The following DNAH3 variants were observed in gnomAD, a reference collection of about 807,000 sequenced individuals.
DNAH3 encodes axonemal beta dynein heavy chain 3.
A neutral mutation model predicts 432.5 loss-of-function variants in DNAH3; 332 were observed. The observed-to-expected ratio is 0.77, with a 90% CI of 0.70 to 0.84. The LOEUF (loss-of-function observed/expected upper bound fraction) is 0.84, where lower values mean the gene tolerates loss of function less well. Among genes scored for constraint, DNAH3 ranks in the 40% least tolerant of loss-of-function variants. The pLI, the probability that DNAH3 is intolerant of heterozygous loss-of-function variation, is 0.00. For synonymous variants in DNAH3, 1,956 were observed against 1,900.2 expected (o/e 1.03, Z -0.76); for missense variants, 4,861 against 5,114.0 (o/e 0.95, Z 1.51).
At chr16:21,139,881 G>A (rs1204386799) in intron 5 of DNAH3, among the ~76,000 whole-genome samples, 2 of 147,026 alleles carry the variant, frequency 1.4e-5, no homozygotes, top group Non-Finnish European at 3.0e-5. Flanking sequence ...CCAGGTTCAA[G>A]TGATTCTCCT....
intron 28 of DNAH3, among the ~76,000 whole-genome samples, chr16:21,053,110 C>T (rs2090014359): frequency 6.6e-6 from 1 of 152,158 alleles, no homozygotes; most frequent in Non-Finnish European, 1.5e-5. Context: ...GTACAGCCGA[C>T]TCAAAATTAG....
intron 7 of DNAH3, among the ~76,000 whole-genome samples, chr16:21,133,011 TGA>T: frequency 6.6e-6 from 1 of 151,888 alleles, no homozygotes; most frequent in South Asian, 2.1e-4. Context: ...TAAATATACC[TGA>T]GAGATCACTG....
chr16:21,134,927 A>G (rs2152823878), intron 6 of DNAH3, among the ~76,000 whole-genome samples: 1 of 152,188 alleles, frequency 6.6e-6, no homozygotes. Flanking sequence ...ACCTCAGGTG[A>G]TCCACCCGCC....
chr16:21,052,246 CCTCCCAAAGTG>C (rs1160423229), intron 28 of DNAH3, among the ~76,000 whole-genome samples: 1 of 152,178 alleles, frequency 6.6e-6, no homozygotes, highest in Non-Finnish European at 1.5e-5. Context: ...CCTGCCTCGG[CCTCCCAAAGTG>C]CTGAGATTAC....
chr16:21,034,062 T>C (rs1027905941), exon 36 of DNAH3: 9 of 1,613,104 alleles, frequency 5.6e-6, no homozygotes, highest in African/African-American at 1.3e-5. Flanking sequence ...TATAGCCATG[T>C]CTCACCAGCA....
At chr16:20,940,591 CTT>C (rs747399793) in intron 59 of DNAH3, among the ~76,000 whole-genome samples, 1 of 139,650 alleles carries the variant, frequency 7.2e-6, no homozygotes, top group Non-Finnish European at 1.6e-5. Context: ...CCATGCCTGC[CTT>C]TTTTTTTTTT....
chr16:21,096,512 T>G (rs1411433149), intron 18 of DNAH3, among the ~76,000 whole-genome samples: 2 of 152,134 alleles, frequency 1.3e-5, no homozygotes, highest in African/African-American at 4.8e-5. Context: ...AATCTACACA[T>G]CAATTATTCC....
intron 41 of DNAH3, among the ~76,000 whole-genome samples, chr16:21,004,842 A>G (rs963050784): frequency 6.6e-6 from 1 of 152,076 alleles, no homozygotes; most frequent in African/African-American, 2.4e-5. Context: ...GTTTAGACCA[A>G]TTTCATTGAT....
At chr16:21,048,236 T>A (rs1356255582) in intron 31 of DNAH3, among the ~76,000 whole-genome samples, 2 of 152,238 alleles carry the variant, frequency 1.3e-5, no homozygotes, top group African/African-American at 4.8e-5. Context: ...TTTGTTTACC[T>A]AATCAAGCCT....
chr16:21,069,503 C>A, exon 23 of DNAH3: 1 of 1,614,150 alleles, frequency 6.2e-7, no homozygotes, highest in East Asian at 2.2e-5. Context: ...GTCCTCTGAA[C>A]TGAAGATTGG....
chr16:21,135,793 C>A (rs1185559383), intron 6 of DNAH3, among the ~76,000 whole-genome samples: 1 of 150,816 alleles, frequency 6.6e-6, no homozygotes, highest in African/African-American at 2.4e-5. Context: ...AATCCCAGCA[C>A]TTTGGGAGGC....
chr16:20,948,518 C>T lies in DNAH3; in HGVS notation c.11308G>A (p.Asp3770Asn). 6.2e-7 allele frequency: 1 copy of T among 1,613,964 alleles called. No homozygotes were observed. The highest frequency in any genetic ancestry group is 8.5e-7 in the Non-Finnish European group (1 of 1,179,968). Residue 3770 changes from aspartate (D) to asparagine (N), a missense_variant, in exon 57 of 62, where the codon GAC becomes AAC. By Grantham distance (23) the Asp-to-Asn change is conservative. Transcript: ENST00000261383. ...CCATGAGGAGGGATGTAGTAAGTGT[C>T]TCCAGGAGCGAGGGAGTAATAGTCC...
intron 24 of DNAH3, among the ~76,000 whole-genome samples, chr16:21,064,098 G>C (rs972399384): frequency 3.3e-5 from 5 of 152,150 alleles, no homozygotes; most frequent in Non-Finnish European, 5.9e-5. Context: ...ACTTGAGCTG[G>C]CTCTGTGTCT....
At chr16:21,039,717 G>T in intron 33 of DNAH3, 135 bp downstream of exon 33, 1 of 763,784 alleles carries the variant, frequency 1.3e-6, no homozygotes. Flanking sequence ...TGTGCTCTCA[G>T]ACCACCCAGT....
intron 17 of DNAH3, among the ~76,000 whole-genome samples, 177 bp downstream of exon 17, chr16:21,098,439 A>C (rs1346806526): frequency 8.8e-6 from 1 of 113,382 alleles, no homozygotes; most frequent in Non-Finnish European, 1.7e-5. Flanking sequence ...ACCTTGTCTC[A>C]AAAAAAAAAA....
intron 25 of DNAH3, among the ~76,000 whole-genome samples, chr16:21,060,951 ACT>A (rs1269978291): frequency 6.8e-6 from 1 of 148,022 alleles, no homozygotes; most frequent in South Asian, 2.1e-4. Flanking sequence ...GACTCTCCTG[ACT>A]CAGCCTCCTG....
intron 24 of DNAH3, among the ~76,000 whole-genome samples, chr16:21,064,195 C>T (rs2090460636): frequency 6.6e-6 from 1 of 152,172 alleles, no homozygotes; most frequent in Non-Finnish European, 1.5e-5. Flanking sequence ...TTCACTCTTG[C>T]TGCTCTTAGG....
At chr16:21,126,204 A>T (rs2152816545) in intron 8 of DNAH3, among the ~76,000 whole-genome samples, 1 of 152,256 alleles carries the variant, frequency 6.6e-6, no homozygotes, top group South Asian at 2.1e-4. Context: ...AAAAAGAAAT[A>T]GATGCTTCAT....
At chr16:20,979,367 A>G in exon 50 of DNAH3, 1 of 1,614,118 alleles carries the variant, frequency 6.2e-7, no homozygotes. Context: ...CAAGCCTGTC[A>G]GGTAGCGGTT....
Sources: gnomAD v4.1 joint callset for allele counts (sites outside exome capture counted in the v4.1 genomes callset) on GRCh38, gnomAD v4.1.1 for gene constraint, MANE v1.5 for transcripts, NCBI Gene and HGNC (gene_info 2026-07-23, HGNC 2026-07-21) for gene names.